PARD3: variants seen among roughly 807,000 people sequenced by gnomAD.
The protein encoded by PARD3 is partitioning defective 3 homolog.
In PARD3, 75 loss-of-function variants were observed where a neutral mutation model predicts 155.4. That is an observed-to-expected ratio of 0.48 (90% CI 0.40 to 0.58). The LOEUF (loss-of-function observed/expected upper bound fraction) is 0.58. PARD3 is among the 20% of genes least tolerant of loss of function. The pLI, the probability that PARD3 is intolerant of heterozygous loss-of-function variation, is 0.00. For synonymous variants in PARD3, 576 were observed against 610.5 expected (o/e 0.94, Z 0.83); for missense variants, 1,642 against 1,721.7 (o/e 0.95, Z 0.82).
chr10:34,114,749 C>A (rs955341311), intron 24 of PARD3, among the ~76,000 whole-genome samples: 1 of 152,200 alleles, frequency 6.6e-6, no homozygotes, highest in Admixed American at 6.5e-5. Flanking sequence ...CCTTACTAAG[C>A]GAGGGCAACT....
chr10:34,684,778 T>TACAC (rs3087285), intron 2 of PARD3, among the ~76,000 whole-genome samples: 81 of 119,098 alleles, frequency 6.8e-4, no homozygotes, highest in South Asian at 2.9e-3. Flanking sequence ...TGATGATACA[T>TACAC]ACACACACAC....
chr10:34,693,057 C>T (rs994383533), intron 2 of PARD3, among the ~76,000 whole-genome samples: 2 of 152,028 alleles, frequency 1.3e-5, no homozygotes, highest in Non-Finnish European at 2.9e-5. Flanking sequence ...ACATCCGTGT[C>T]GCGTGAGAAA....
chr10:34,539,822 T>C (rs1352202625), intron 2 of PARD3, among the ~76,000 whole-genome samples: 2 of 152,214 alleles, frequency 1.3e-5, no homozygotes, highest in Non-Finnish European at 2.9e-5. Flanking sequence ...ATTGGCTTCC[T>C]GAAATAGGCC....
intron 1 of PARD3, among the ~76,000 whole-genome samples, chr10:34,783,520 C>G (rs975325121): frequency 7.1e-6 from 1 of 141,368 alleles, no homozygotes; most frequent in African/African-American, 2.6e-5. Context: ...AGGAGAATGG[C>G]GTGAACCCGG....
chr10:34,477,479 C>T (rs1358704222), intron 3 of PARD3, among the ~76,000 whole-genome samples: 2 of 152,146 alleles, frequency 1.3e-5, no homozygotes, highest in Admixed American at 6.5e-5. Context: ...AGCAATAAAC[C>T]TTCATCACAA....
intron 1 of PARD3, among the ~76,000 whole-genome samples, chr10:34,768,551 G>A (rs1838420366): frequency 6.6e-6 from 1 of 152,210 alleles, no homozygotes; most frequent in Non-Finnish European, 1.5e-5. Flanking sequence ...TGTGAGCAGA[G>A]GGGTGACTTT....
At chr10:34,297,626 G>A (rs1956966716) in intron 20 of PARD3, among the ~76,000 whole-genome samples, 1 of 152,114 alleles carries the variant, frequency 6.6e-6, no homozygotes, top group Non-Finnish European at 1.5e-5. Context: ...ATCATTTGTG[G>A]TCTGTTGTGG....
chr10:34,211,353 C>T (rs1467426229), intron 22 of PARD3, among the ~76,000 whole-genome samples: 1 of 152,176 alleles, frequency 6.6e-6, no homozygotes, highest in East Asian at 1.9e-4. Context: ...TTTCCTCTTT[C>T]AGATCACAGT....
In PARD3 at chr10:34,462,978, AAGGGGAAGGGGAGGAAAGAGAATGGGG is replaced by A. The variant is rs2077752791; in HGVS notation, c.582+7080_582+7106del. On this transcript the variant is annotated intron_variant, in intron 4 of 24. Transcript: ENST00000374788. ...AGAAGGGGGGAAGGGAGAAGCAGGG[AAGGGGAAGGGGAGGAAAGAGAATGGGG>A]AGGGGAAGGGTAGGAAAGGGAACGA... 6.6e-5 allele frequency among the ~76,000 whole-genome samples: 6 copies of A among 91,088 alleles called. 1 individual carries two copies. Among genetic ancestry groups the A allele is most frequent in the Admixed American group, 1.2e-4 (1 of 8,124 alleles). The allele number at this position is 91,088 out of a possible 152,430, so 59.8% of individuals were successfully genotyped here.
At chr10:34,743,784 G>A (rs1365798168) in intron 1 of PARD3, among the ~76,000 whole-genome samples, 1 of 152,172 alleles carries the variant, frequency 6.6e-6, no homozygotes, top group Admixed American at 6.5e-5. Flanking sequence ...GGAGGAGGGA[G>A]AGGAAAAACA....
chr10:34,194,559 G>GT (rs548635148), intron 22 of PARD3, among the ~76,000 whole-genome samples: 9 of 149,036 alleles, frequency 6.0e-5, no homozygotes, highest in African/African-American at 2.0e-4. Context: ...AGTTGGAACT[G>GT]TTTCGTAAAA....
intron 20 of PARD3, among the ~76,000 whole-genome samples, chr10:34,294,046 G>T (rs926147859): frequency 1.3e-4 from 20 of 151,562 alleles, no homozygotes; most frequent in Admixed American, 1.3e-3. Context: ...GAAGAAAAAG[G>T]AAAAGGTGGA....
chr10:34,685,663 G>A (rs549194636), intron 2 of PARD3, among the ~76,000 whole-genome samples: 2 of 150,706 alleles, frequency 1.3e-5, no homozygotes, highest in East Asian at 1.9e-4. Context: ...GGGCAATCTC[G>A]GCTCACTACA....
intron 13 of PARD3, 95 bp from the exon 14 acceptor site, chr10:34,359,412 C>T (rs1233210671): frequency 1.6e-6 from 1 of 643,118 alleles, no homozygotes; most frequent in Non-Finnish European, 2.4e-6. Flanking sequence ...AAAAACAAAG[C>T]AAAAAAAAAA....
chr10:34,741,318 G>A (rs1221650506), intron 1 of PARD3, among the ~76,000 whole-genome samples: 1 of 151,302 alleles, frequency 6.6e-6, no homozygotes, highest in Non-Finnish European at 1.5e-5. Flanking sequence ...CCTAGTAGCT[G>A]GACTACGGGC....
rs1430343029 is a variant in PARD3 at position 34,369,299 on chromosome 10, GATTTATTTATTTATTTGTTTATTTATTT to G, written c.1707+3171_1707+3198del. The stretch of plus-strand genomic sequence containing the variant: ...TCTGAAAACATTATGAGATTTTTGT[GATTTATTTATTTATTTGTTTATTTATTT>G]ATTTATTTATTTATTTATTTATTGG... On this transcript the variant is annotated intron_variant, in intron 12 of 24. Coordinates refer to ENST00000374788, the MANE Select transcript of PARD3 (RefSeq NM_001184785.2). 8.7e-4 allele frequency among the ~76,000 whole-genome samples: 117 copies of G among 134,828 alleles called. 3 individuals carry two copies. The South Asian group carries it at 0.02, about 23-fold the overall frequency. The allele number at this position is 134,828 out of a possible 152,430, so 88.5% of individuals were successfully genotyped here.
chr10:34,586,638 G>C (rs2088082515), intron 2 of PARD3, among the ~76,000 whole-genome samples: 2 of 152,182 alleles, frequency 1.3e-5, no homozygotes, highest in South Asian at 4.1e-4. Context: ...ATATTTGCTA[G>C]ATGATTCTAA....
intron 2 of PARD3, among the ~76,000 whole-genome samples, chr10:34,654,577 T>C (rs912802031): frequency 3.9e-5 from 6 of 152,228 alleles, no homozygotes; most frequent in Non-Finnish European, 8.8e-5. Context: ...CAAAAACTCC[T>C]GCATTGCTAA....
At chr10:34,522,296 A>G (rs2082196634) in intron 2 of PARD3, among the ~76,000 whole-genome samples, 3 of 152,164 alleles carry the variant, frequency 2.0e-5, no homozygotes, top group Admixed American at 2.0e-4. Context: ...AGCAGCATTT[A>G]GAAGGCAAGG....
Sources: allele counts gnomAD v4.1 joint callset (sites outside exome capture counted in the v4.1 genomes callset), GRCh38; gene constraint gnomAD v4.1.1; transcripts MANE v1.5; gene names NCBI Gene and HGNC (gene_info 2026-07-23, HGNC 2026-07-21).